CRYBG1: variants seen among roughly 807,000 people sequenced by gnomAD.
CRYBG1 encodes the protein beta/gamma crystallin domain-containing protein 1.
Under a neutral mutation model 189.2 loss-of-function variants are expected in CRYBG1, and 139 were observed. The observed-to-expected ratio is 0.73, with a 90% CI of 0.64 to 0.85. The LOEUF (loss-of-function observed/expected upper bound fraction) is 0.85. CRYBG1 is among the 40% of genes least tolerant of loss of function. The pLI is 0.00. For missense variants in CRYBG1, 2,611 were observed against 2,675.8 expected (o/e 0.98, Z 0.53); for synonymous variants, 1,023 against 1,017.1 (o/e 1.01, Z -0.11).
intron 16 of CRYBG1, among the ~76,000 whole-genome samples, chr6:106,555,093 A>G (rs956546302): frequency 6.6e-6 from 1 of 151,462 alleles, no homozygotes; most frequent in Non-Finnish European, 1.5e-5. Flanking sequence ...TGAACCCAGG[A>G]GGCAGAGGTT....
rs146905899 is a variant in CRYBG1, at chr6:106,521,068, C to T, written c.3860C>T (p.Thr1287Met). 6.1e-4 allele frequency: 988 copies of T among 1,614,186 alleles called. 8 individuals carry two copies. The highest frequency in any genetic ancestry group is 9.6e-4 in the South Asian group (87 of 91,082). The change falls in exon 4 of 22, where the codon ACG becomes ATG. Residue 1287 changes from threonine (T) to methionine (M), a missense_variant. By Grantham distance (81) the Thr-to-Met change is moderately conservative. This residue lies in a region of CRYBG1 where 1,622 missense variants were observed against 1,735.0 expected (regional missense o/e 0.93). Coordinates refer to ENST00000633556, the MANE Select transcript of CRYBG1 (RefSeq NM_001371242.2). ...TCTCAGTCTTCAGTGTCACAGCCCACGACTGAGGGTGCCCCGCCCTGTGGT... is the reference window on the plus strand; with the variant it reads ...TCTCAGTCTTCAGTGTCACAGCCCATGACTGAGGGTGCCCCGCCCTGTGGT... ...SLSQSSVSQPTTEGAPPCGLN... is the reference protein window; with the variant it reads ...SLSQSSVSQPMTEGAPPCGLN...
intron 4 of CRYBG1, among the ~76,000 whole-genome samples, chr6:106,523,433 C>T (rs1773655080): frequency 1.3e-5 from 2 of 152,192 alleles, no homozygotes; most frequent in Admixed American, 1.3e-4. Flanking sequence ...TATTTAACTA[C>T]AGTCTGACAA....
Position 106,519,527 on chromosome 6 carries a change from G to A in CRYBG1, c.2319G>A (p.Glu773=), listed in dbSNP as rs912544614. The change falls in exon 4 of 22, where the codon GAG becomes GAA. Residue 773 remains glutamate (E), a synonymous_variant. Coordinates refer to ENST00000633556, the MANE Select transcript of CRYBG1 (RefSeq NM_001371242.2). The part of the protein sequence containing the change: ...ATRGMNGDSS[E]NQALGPQPNQ... ...GAGGAATGAATGGAGACTCTTCTGAGAATCAAGCTCTTGGTCCTCAGCCTA... is the reference window on the plus strand; with the variant it reads ...GAGGAATGAATGGAGACTCTTCTGAAAATCAAGCTCTTGGTCCTCAGCCTA... 1.2e-6 allele frequency: 2 copies of A among 1,613,992 alleles called. No individual in the cohort carries two copies. The highest frequency in any genetic ancestry group is 1.7e-6 in the Non-Finnish European group (2 of 1,179,988).
intron 2 of CRYBG1, among the ~76,000 whole-genome samples, chr6:106,500,892 T>A (rs1772993767): frequency 6.6e-6 from 1 of 152,228 alleles, no homozygotes; most frequent in Non-Finnish European, 1.5e-5. Context: ...GACAGGCCTT[T>A]GTTTCTATCT....
intron 17 of CRYBG1, among the ~76,000 whole-genome samples, 166 bp from the exon 18 acceptor site, chr6:106,558,320 C>G (rs1774608613): frequency 6.6e-6 from 1 of 151,938 alleles, no homozygotes; most frequent in Admixed American, 6.6e-5. Flanking sequence ...TGCTTTCTCT[C>G]TAGCTTGGAG....
At chr6:106,459,805 CA>C (rs1344402534) in intron 2 of CRYBG1, among the ~76,000 whole-genome samples, 3 of 152,020 alleles carry the variant, frequency 2.0e-5, no homozygotes, top group South Asian at 2.1e-4. Context: ...ATTGCTGAAT[CA>C]AAAGCTTGCA....
chr6:106,361,463 T>A (rs559629991), intron 1 of CRYBG1, among the ~76,000 whole-genome samples: 9 of 152,208 alleles, frequency 5.9e-5, no homozygotes, highest in Non-Finnish European at 1.0e-4. Context: ...TTTGAGCTAG[T>A]GTCTTTATTG....
rs1451479509 is a variant in CRYBG1 at position 106,570,061 on chromosome 6, C to CCAA, written c.*1498_*1500dup. The CCAA allele has an allele frequency of 4.6e-5, 7 of 152,240 alleles. No homozygotes were observed. Among genetic ancestry groups the CCAA allele is most frequent in the African/African-American group, 1.7e-4 (7 of 41,466 alleles). The allele number at this position is 152,240 out of a possible 1,614,324, so 9.4% of individuals were successfully genotyped here. ...AGACACCAGCCCATACGCTGCTCTT[C>CCAA]CAACAGTGGGTTCTAGCTTTGAACA... On this transcript the variant is annotated 3_prime_UTR_variant, in exon 22 of 22. Coordinates refer to ENST00000633556, the MANE Select transcript of CRYBG1 (RefSeq NM_001371242.2).
chr6:106,395,687 T>A (rs1428331241), intron 1 of CRYBG1, among the ~76,000 whole-genome samples: 1 of 152,152 alleles, frequency 6.6e-6, no homozygotes, highest in Non-Finnish European at 1.5e-5. Flanking sequence ...CTTCCTTAAG[T>A]GGTGATTTTG....
chr6:106,523,921 G>C (rs1017671249), intron 4 of CRYBG1, among the ~76,000 whole-genome samples: 5 of 152,018 alleles, frequency 3.3e-5, no homozygotes, highest in African/African-American at 1.2e-4. Context: ...TAGTAGAGAC[G>C]GGGTTTTGCC....
At chr6:106,383,561 G>A (rs1373470026) in intron 1 of CRYBG1, among the ~76,000 whole-genome samples, 1 of 152,176 alleles carries the variant, frequency 6.6e-6, no homozygotes, top group Admixed American at 6.5e-5. Context: ...AATTTACACA[G>A]ACTAGAATAA....
intron 2 of CRYBG1, among the ~76,000 whole-genome samples, chr6:106,456,772 C>A (rs1771897329): frequency 6.6e-6 from 1 of 152,246 alleles, no homozygotes; most frequent in African/African-American, 2.4e-5. Context: ...GCCCAATACC[C>A]AATCTCACCT....
chr6:106,505,166 C>T (rs1447077486), intron 2 of CRYBG1, among the ~76,000 whole-genome samples: 3 of 151,708 alleles, frequency 2.0e-5, no homozygotes, highest in African/African-American at 7.3e-5. Context: ...ACCATCTCAG[C>T]TTACTGCAAC....
intron 1 of CRYBG1, among the ~76,000 whole-genome samples, chr6:106,439,145 T>C (rs1771524252): frequency 6.6e-6 from 1 of 152,002 alleles, no homozygotes; most frequent in African/African-American, 2.4e-5. Context: ...GGATGACAGA[T>C]TGGGAAATTA....
At chr6:106,563,069 A>G (rs935550246) in intron 20 of CRYBG1, among the ~76,000 whole-genome samples, 6 of 152,198 alleles carry the variant, frequency 3.9e-5, no homozygotes, top group African/African-American at 7.2e-5. Flanking sequence ...AGTTGGGATT[A>G]CAGTTGTGAG....
intron 2 of CRYBG1, among the ~76,000 whole-genome samples, chr6:106,458,729 T>A (rs1307710332): frequency 1.3e-5 from 2 of 152,208 alleles, no homozygotes; most frequent in African/African-American, 2.4e-5. Context: ...ATAAGCCTGC[T>A]GCGTGCAGCA....
At chr6:106,420,544 C>T (rs1309453963) in intron 1 of CRYBG1, among the ~76,000 whole-genome samples, 1 of 152,182 alleles carries the variant, frequency 6.6e-6, no homozygotes. Flanking sequence ...ATTTTGCATG[C>T]CTCAGTTCCC....
At chr6:106,533,459 T>C (rs1447229740) in intron 8 of CRYBG1, among the ~76,000 whole-genome samples, 1 of 152,216 alleles carries the variant, frequency 6.6e-6, no homozygotes, top group Admixed American at 6.5e-5. Context: ...GTGTTATTAA[T>C]AGAAGGATCA....
At chr6:106,424,862 C>A (rs1445691693) in intron 1 of CRYBG1, among the ~76,000 whole-genome samples, 1 of 152,160 alleles carries the variant, frequency 6.6e-6, no homozygotes, top group Non-Finnish European at 1.5e-5. Context: ...TCATTGGCAT[C>A]TTCACCCTAT....
Sources: gnomAD v4.1 joint callset for allele counts (sites outside exome capture counted in the v4.1 genomes callset) on GRCh38, gnomAD v4.1.1 for gene constraint, gnomAD v4.1.1 regional missense constraint, MANE v1.5 for transcripts, NCBI Gene and HGNC (gene_info 2026-07-23, HGNC 2026-07-21) for gene names.